NHS: variants seen among roughly 807,000 people sequenced by gnomAD.
The protein encoded by NHS is actin remodeling regulator NHS.
A neutral mutation model predicts 72.5 loss-of-function variants in NHS; 5 were observed. The ratio of observed to expected loss-of-function variants is 0.07; its 90% CI spans 0.04 to 0.14. The LOEUF is 0.14. NHS is among the 10% of genes least tolerant of loss of function. NHS has a pLI of 1.00. For synonymous variants in NHS, 464 were observed against 547.7 expected (o/e 0.85, Z 2.13); for missense variants, 1,072 against 1,355.7 (o/e 0.79, Z 3.29).
chrX:17,677,433 T>C (rs1378821360), intron 1 of NHS, among the ~76,000 whole-genome samples: 1 of 111,252 alleles, frequency 9.0e-6, no homozygotes, highest in Non-Finnish European at 1.9e-5. Context: ...CTGATATATA[T>C]ATATATCAAA....
intron 1 of NHS, among the ~76,000 whole-genome samples, chrX:17,558,645 C>T (rs1434848075): frequency 1.8e-5 from 2 of 112,177 alleles, no homozygotes; most frequent in East Asian, 2.8e-4. Flanking sequence ...GGAATGGTAC[C>T]TATCTCAAAG....
intron 1 of NHS, among the ~76,000 whole-genome samples, chrX:17,665,387 C>T (rs1015275474): frequency 1.2e-5 from 1 of 86,418 alleles, no homozygotes; most frequent in African/African-American, 4.6e-5. Context: ...AGTGCAGTGG[C>T]GCAATCTCGG....
At position 17,378,248 on chromosome X, in the gene NHS, ATAGT is replaced by A. The variant is rs542233308; in HGVS notation, c.565+1931_565+1934del. ...TTTTAACTGTTTGGGGTACAAACTA[ATAGT>A]TAGTAGAGATAAGAGAGGATCTTGA... On this transcript the variant is annotated intron_variant, in intron 1 of 8. Coordinates refer to ENST00000676302, the MANE Select transcript of NHS (RefSeq NM_001291867.2). 9.1e-3 allele frequency among the ~76,000 whole-genome samples: 1,024 copies of A among 111,929 alleles called. 17 individuals carry two copies. Among genetic ancestry groups the A allele is most frequent in the African/African-American group, 0.031 (963 of 30,696 alleles).
At chrX:17,423,147 G>A (rs1426653916) in intron 1 of NHS, among the ~76,000 whole-genome samples, 1 of 112,119 alleles carries the variant, frequency 8.9e-6, no homozygotes, top group Non-Finnish European at 1.9e-5. Flanking sequence ...GGCATTTGCA[G>A]CTGATGTTTG....
chrX:17,441,039 C>G, intron 1 of NHS, among the ~76,000 whole-genome samples: 1 of 112,030 alleles, frequency 8.9e-6, no homozygotes, highest in Non-Finnish European at 1.9e-5. Flanking sequence ...CTGCCCCTCA[C>G]CCACCACTCC....
chrX:17,731,274 G>A (rs182161809), intron 8 of NHS, among the ~76,000 whole-genome samples: 100 of 76,703 alleles, frequency 1.3e-3, no homozygotes, highest in African/African-American at 4.5e-3. Context: ...TTGCTCTGTC[G>A]CCCAGGCTGC....
chrX:17,669,276 T>C (rs758488710), intron 1 of NHS, among the ~76,000 whole-genome samples: 1 of 112,079 alleles, frequency 8.9e-6, no homozygotes, highest in East Asian at 2.8e-4. Context: ...AATTATTTGT[T>C]GAGTGAATGA....
intron 1 of NHS, among the ~76,000 whole-genome samples, chrX:17,389,229 G>A (rs1050002030): frequency 1.8e-5 from 2 of 112,108 alleles, no homozygotes; most frequent in African/African-American, 6.5e-5. Flanking sequence ...TATTAAGATA[G>A]AGAACATTCT....
chrX:17,395,695 A>G (rs934543775), intron 1 of NHS, among the ~76,000 whole-genome samples: 2 of 112,203 alleles, frequency 1.8e-5, no homozygotes, highest in Non-Finnish European at 3.8e-5. Context: ...TGGGGTGGGC[A>G]TAAGGGTAAT....
At chrX:17,451,104 A>T (rs1297681305) in intron 1 of NHS, among the ~76,000 whole-genome samples, 1 of 112,497 alleles carries the variant, frequency 8.9e-6, no homozygotes, top group African/African-American at 3.2e-5. Context: ...AAGTTTTTAT[A>T]TTGATTACAT....
intron 1 of NHS, among the ~76,000 whole-genome samples, chrX:17,603,487 C>T (rs2065662734): frequency 8.9e-6 from 1 of 111,797 alleles, no homozygotes; most frequent in Non-Finnish European, 1.9e-5. Flanking sequence ...TCAAATCTCT[C>T]TCCAAGACAT....
intron 1 of NHS, among the ~76,000 whole-genome samples, chrX:17,537,864 G>A (rs186506679): frequency 2.7e-5 from 3 of 111,782 alleles, no homozygotes; most frequent in Admixed American, 9.5e-5. Flanking sequence ...GAGGCTGGGG[G>A]CACGCGACGC....
chrX:17,670,845 A>G (rs2066040176), intron 1 of NHS, among the ~76,000 whole-genome samples: 1 of 112,165 alleles, frequency 8.9e-6, no homozygotes, highest in Non-Finnish European at 1.9e-5. Flanking sequence ...GGCTTAAAAA[A>G]ATAACACACA....
chrX:17,550,395 A>T (rs4825342), intron 1 of NHS, among the ~76,000 whole-genome samples: 36,283 of 111,386 alleles, frequency 0.33, 4,519 homozygotes, highest in East Asian at 0.74. Context: ...TAGTGGCACT[A>T]TGGTGTTGCA....
intron 1 of NHS, among the ~76,000 whole-genome samples, chrX:17,549,988 T>C (rs1311339104): frequency 9.0e-6 from 1 of 111,552 alleles, no homozygotes; most frequent in Non-Finnish European, 1.9e-5. Flanking sequence ...GGAGCTCAAG[T>C]TCAAATGCAG....
At chrX:17,590,813 C>A (rs891700297) in intron 1 of NHS, among the ~76,000 whole-genome samples, 14 of 111,126 alleles carry the variant, frequency 1.3e-4, no homozygotes, top group Non-Finnish European at 2.6e-4. Context: ...ACACACACAT[C>A]CCCCCCAACA....
intron 1 of NHS, among the ~76,000 whole-genome samples, chrX:17,408,577 G>A (rs912984807): frequency 1.8e-5 from 2 of 111,488 alleles, no homozygotes; most frequent in East Asian, 2.8e-4. Flanking sequence ...AACAACATCC[G>A]TCTGTCAAGG....
intron 1 of NHS, among the ~76,000 whole-genome samples, chrX:17,639,721 C>T (rs1437305059): frequency 1.8e-5 from 2 of 112,121 alleles, no homozygotes; most frequent in East Asian, 5.6e-4. Context: ...TCTTAAAGAC[C>T]CCATCTCTTA....
intron 3 of NHS, among the ~76,000 whole-genome samples, chrX:17,700,276 C>G (rs1240698530): frequency 9.2e-6 from 1 of 108,162 alleles, no homozygotes; most frequent in Non-Finnish European, 1.9e-5. Context: ...AACCCCGTCT[C>G]TACAAAAAAA....
Sources: allele counts gnomAD v4.1 joint callset (sites outside exome capture counted in the v4.1 genomes callset), GRCh38; gene constraint gnomAD v4.1.1; transcripts MANE v1.5; gene names NCBI Gene and HGNC (gene_info 2026-07-23, HGNC 2026-07-21).